Variants in SEM1 observed in about 807,000 individuals in gnomAD.
The protein encoded by SEM1 is SEM1 26S proteasome subunit, also known as 26S proteasome complex subunit SEM1.
SEM1 carries 3 observed loss-of-function variants against 12.7 expected under a neutral mutation model. The observed-to-expected ratio is 0.24, with a 90% CI of 0.11 to 0.61. The LOEUF (loss-of-function observed/expected upper bound fraction) is 0.61, where lower values mean the gene tolerates loss of function less well. Among genes scored for constraint, SEM1 ranks in the 20% least tolerant of loss-of-function variants. The probability of loss-of-function intolerance (pLI) is 0.88; values close to 1 mark genes in which losing one functional copy is unlikely to be tolerated. For synonymous variants in SEM1, 30 were observed against 27.8 expected (o/e 1.08, Z -0.25); for missense variants, 59 against 81.3 (o/e 0.73, Z 1.06).
intron 2 of SEM1, among the ~76,000 whole-genome samples, chr7:96,551,660 G>T (rs1274185547): frequency 1.5e-5 from 2 of 137,782 alleles, no homozygotes; most frequent in African/African-American, 5.4e-5. Context: ...AGCCAAGATA[G>T]CACCACTACA....
At chr7:96,590,983 G>A (rs778728314) in intron 2 of SEM1, among the ~76,000 whole-genome samples, 12 of 152,264 alleles carry the variant, frequency 7.9e-5, no homozygotes, top group African/African-American at 1.4e-4. Flanking sequence ...TAAAGTAAAC[G>A]AATACCAGGA....
chr7:96,530,679 G>GAATT (rs1299844696), intron 2 of SEM1, among the ~76,000 whole-genome samples: 4 of 152,062 alleles, frequency 2.6e-5, no homozygotes, highest in Admixed American at 2.6e-4. Flanking sequence ...AAACAATTCG[G>GAATT]CGTAGCATTC....
intron 2 of SEM1, among the ~76,000 whole-genome samples, chr7:96,655,870 T>G (rs1413606215): frequency 6.6e-6 from 1 of 152,168 alleles, no homozygotes; most frequent in Non-Finnish European, 1.5e-5. Context: ...TTAGTGATTA[T>G]AAAACAAAGG....
At chr7:96,677,354 TAC>T (rs1393365541) in intron 2 of SEM1, among the ~76,000 whole-genome samples, 3 of 152,212 alleles carry the variant, frequency 2.0e-5, no homozygotes, top group African/African-American at 7.2e-5. Context: ...CTTTTCTTGG[TAC>T]AGTGACTTAG....
intron 2 of SEM1, among the ~76,000 whole-genome samples, chr7:96,573,109 G>GTTTTTTTTTTTTT (rs142630776): frequency 7.4e-6 from 1 of 135,962 alleles, no homozygotes. Flanking sequence ...TGCAACCCCT[G>GTTTTTTTTTTTTT]TTTTTTTTTT....
At chr7:96,629,579 T>C (rs533045424) in intron 2 of SEM1, among the ~76,000 whole-genome samples, 2 of 152,240 alleles carry the variant, frequency 1.3e-5, no homozygotes, top group African/African-American at 4.8e-5. Flanking sequence ...TCAAAACAGC[T>C]ATTTTGAATT....
chr7:96,559,618 G>A (rs1044707315), intron 2 of SEM1, among the ~76,000 whole-genome samples: 5 of 152,200 alleles, frequency 3.3e-5, no homozygotes, highest in Admixed American at 2.6e-4. Flanking sequence ...TCTAAATGGC[G>A]TATTGTGGAC....
chr7:96,689,065 G>A, intron 2 of SEM1, 99 bp from the exon 3 acceptor site: 1 of 701,514 alleles, frequency 1.4e-6, no homozygotes, highest in Non-Finnish European at 2.4e-6. Context: ...CTATGCCTGA[G>A]ACATCAATTT....
chr7:96,589,198 C>G (rs2116123889), intron 2 of SEM1, among the ~76,000 whole-genome samples: 1 of 152,212 alleles, frequency 6.6e-6, no homozygotes, highest in African/African-American at 2.4e-5. Context: ...ATTGTCCTCC[C>G]CTGAGTTTAG....
intron 2 of SEM1, among the ~76,000 whole-genome samples, chr7:96,592,617 A>C (rs909421198): frequency 6.6e-6 from 1 of 151,736 alleles, no homozygotes; most frequent in South Asian, 2.1e-4. Context: ...ACAGAAAACC[A>C]TTAGCACAAG....
At chr7:96,664,678 A>G (rs1043634024) in intron 2 of SEM1, among the ~76,000 whole-genome samples, 1 of 152,160 alleles carries the variant, frequency 6.6e-6, no homozygotes. Context: ...ATGGTTTTAG[A>G]AGGATATTAT....
Position 96,688,872 on chromosome 7 carries a change from A to T in SEM1, c.*52T>A. The T allele has an allele frequency of 8.8e-7, 1 of 1,134,166 alleles. No individual in the cohort carries two copies. The highest frequency in any genetic ancestry group is 1.3e-6 in the Non-Finnish European group (1 of 750,420). 70.3% of individuals were successfully genotyped at this position (1,134,166 alleles called of 1,614,324 possible). The stretch of plus-strand genomic sequence containing the variant: ...TGTCCCATCCTGGGTTCTCTGCCCT[A>T]GAATGTATTAAGCAGGTCAAGTTTA... On this transcript the variant is annotated 3_prime_UTR_variant, in exon 3 of 3. Coordinates refer to ENST00000248566, the MANE Select transcript of SEM1 (RefSeq NM_006304.2).
intron 2 of SEM1, among the ~76,000 whole-genome samples, chr7:96,569,303 G>A (rs4727341): frequency 0.31 from 46,569 of 151,784 alleles, 7,172 homozygotes; most frequent in Middle Eastern, 0.32. Context: ...AAGAAAAACC[G>A]TGAAGGAGAA....
chr7:96,647,011 G>T lies in SEM1; in HGVS notation c.171-24368C>A, dbSNP rs142625600. 1.5e-3 allele frequency among the ~76,000 whole-genome samples: 227 copies of T among 152,312 alleles called. 1 individual carries two copies. The highest frequency in any genetic ancestry group is 3.4e-3 in the Middle Eastern group (1 of 294). On this transcript the variant is annotated intron_variant, in intron 2 of 2. Coordinates refer to the SEM1 transcript ENST00000417009. ...TTAAGCATTGAGAAAAGCTGGAGAA[G>T]TGTGTAAATACTCTAAGCATATGTG...
chr7:96,684,083 A>G (rs1041457907), downstream of SEM1, among the ~76,000 whole-genome samples: 12 of 152,236 alleles, frequency 7.9e-5, no homozygotes, highest in African/African-American at 2.9e-4. Flanking sequence ...GCCTTGTCCT[A>G]GAGCAAGTTC....
At chr7:96,651,981 G>C (rs1431889163) in intron 2 of SEM1, among the ~76,000 whole-genome samples, 4 of 152,182 alleles carry the variant, frequency 2.6e-5, no homozygotes, top group Non-Finnish European at 4.4e-5. Context: ...CCCTCAGTTT[G>C]AATATTTAAC....
intron 2 of SEM1, among the ~76,000 whole-genome samples, chr7:96,535,514 T>C (rs1423937697): frequency 1.3e-5 from 2 of 151,878 alleles, no homozygotes; most frequent in Admixed American, 6.6e-5. Context: ...GTTTGTTATA[T>C]AGGCAAACTC....
intron 2 of SEM1, among the ~76,000 whole-genome samples, chr7:96,557,507 G>C (rs1020934054): frequency 1.1e-5 from 1 of 92,280 alleles, no homozygotes; most frequent in Non-Finnish European, 2.9e-5. Flanking sequence ...CTGCTCGGGG[G>C]TCAGGGGTCA....
chr7:96,496,773 T>C (rs1365084455), upstream of SEM1, among the ~76,000 whole-genome samples: 1 of 152,204 alleles, frequency 6.6e-6, no homozygotes, highest in Non-Finnish European at 1.5e-5. Flanking sequence ...CACTTTGTAG[T>C]ATATTTTATA....
Sources: allele counts gnomAD v4.1 joint callset (sites outside exome capture counted in the v4.1 genomes callset), GRCh38; gene constraint gnomAD v4.1.1; transcripts MANE v1.5; gene names NCBI Gene and HGNC (gene_info 2026-07-23, HGNC 2026-07-21).